The following FANK1 variants were observed in gnomAD, a reference collection of about 807,000 sequenced individuals.
The protein encoded by FANK1 is fibronectin type III and ankyrin repeat domains 1, also known as fibronectin type 3 and ankyrin repeat domains protein 1.
FANK1 carries 44 observed loss-of-function variants against 45.3 expected under a neutral mutation model. The ratio of observed to expected loss-of-function variants is 0.97; its 90% CI spans 0.76 to 1.25. The LOEUF is 1.25. FANK1 is among the 50% of genes most tolerant of loss of function. FANK1 has a pLI of 0.00. For missense variants in FANK1, 391 were observed against 424.4 expected (o/e 0.92, Z 0.69); for synonymous variants, 149 against 152.5 (o/e 0.98, Z 0.17).
At chr10:125,963,970 A>C (rs1354379652) in intron 1 of FANK1, among the ~76,000 whole-genome samples, 1 of 151,814 alleles carries the variant, frequency 6.6e-6, no homozygotes, top group Non-Finnish European at 1.5e-5. Flanking sequence ...AGGGTAAGAC[A>C]AAAAAAAGGA....
At position 125,947,188 on chromosome 10, in the gene FANK1, G is replaced by C. The variant is rs1589984283; in HGVS notation, c.14-32973G>C. On this transcript the variant is annotated intron_variant, in intron 1 of 10. Coordinates refer to ENST00000368693, the MANE Select transcript of FANK1 (RefSeq NM_145235.5). ...CAAAATGTAAAGACCATCAAGACTA[G>C]GAAGAAACTGCATCAACTAACAAGC... 4.6e-5 allele frequency among the ~76,000 whole-genome samples: 7 copies of C among 152,114 alleles called. 1 individual carries two copies. The highest frequency in any genetic ancestry group is 1.5e-5 in the Non-Finnish European group (1 of 67,984).
intron 4 of FANK1, 75 bp downstream of exon 4, chr10:125,995,573 T>G (rs1403391664): frequency 2.1e-6 from 3 of 1,413,390 alleles, no homozygotes; most frequent in Non-Finnish European, 3.0e-6. Flanking sequence ...GTAGTTTCAT[T>G]TTGTTTTCCT....
chr10:125,902,508 A>G (rs1312060634), intron 1 of FANK1, among the ~76,000 whole-genome samples: 1 of 152,250 alleles, frequency 6.6e-6, no homozygotes, highest in Non-Finnish European at 1.5e-5. Flanking sequence ...TACAACACAA[A>G]GGGCTGTGCT....
chr10:125,957,845 T>A (rs1294599156), intron 1 of FANK1, among the ~76,000 whole-genome samples: 1 of 152,134 alleles, frequency 6.6e-6, no homozygotes, highest in Non-Finnish European at 1.5e-5. Context: ...TTTTTAAAGA[T>A]AATGTCACTA....
At chr10:125,964,690 T>G (rs1271324578) in intron 1 of FANK1, among the ~76,000 whole-genome samples, 1 of 152,254 alleles carries the variant, frequency 6.6e-6, no homozygotes, top group African/African-American at 2.4e-5. Context: ...TTTCCATTTC[T>G]GTTAAATGTA....
chr10:125,909,746 T>C (rs1160927922), intron 1 of FANK1, among the ~76,000 whole-genome samples: 3 of 150,668 alleles, frequency 2.0e-5, no homozygotes, highest in Non-Finnish European at 4.4e-5. Context: ...GGGGTGGTAT[T>C]GAAGTTCTGG....
chr10:125,985,126 G>A (rs1012709051), intron 2 of FANK1, among the ~76,000 whole-genome samples: 1 of 152,238 alleles, frequency 6.6e-6, no homozygotes, highest in African/African-American at 2.4e-5. Context: ...CAGGGGTTAT[G>A]GAGGTGCTGT....
At chr10:125,968,693 T>C in intron 1 of FANK1, among the ~76,000 whole-genome samples, 1 of 152,228 alleles carries the variant, frequency 6.6e-6, no homozygotes, top group East Asian at 1.9e-4. Flanking sequence ...GTTTTACTAA[T>C]TTGTTTTTTG....
intron 4 of FANK1, 87 bp from the exon 5 acceptor site, chr10:125,996,463 C>A: frequency 8.5e-7 from 1 of 1,178,852 alleles, no homozygotes; most frequent in Non-Finnish European, 1.2e-6. Context: ...AGTCATTTTA[C>A]CCACCTAAGC....
chr10:125,899,627 G>A (rs1306971137), intron 1 of FANK1, among the ~76,000 whole-genome samples: 2 of 152,164 alleles, frequency 1.3e-5, no homozygotes, highest in Non-Finnish European at 2.9e-5. Context: ...TTTTAACTTG[G>A]AGATTTGTAT....
Position 125,964,395 on chromosome 10 carries a change from G to A in FANK1, c.14-15766G>A, listed in dbSNP as rs187103601. Among the ~76,000 whole-genome samples the A allele has an allele frequency of 2.5e-3, 381 of 151,848 alleles. 3 individuals carry two copies. Among genetic ancestry groups the A allele is most frequent in the Middle Eastern group, 0.014 (4 of 294 alleles). On this transcript the variant is annotated intron_variant, in intron 1 of 10. Transcript: ENST00000368693. ...TTTAGTGCAGATGGGGTTTCACTATGTTGGCCAGGCTGGTCTTGAACTCCT... is the reference window on the plus strand; with the variant it reads ...TTTAGTGCAGATGGGGTTTCACTATATTGGCCAGGCTGGTCTTGAACTCCT...
chr10:125,914,971 G>A (rs764303117), intron 1 of FANK1, among the ~76,000 whole-genome samples: 1 of 152,158 alleles, frequency 6.6e-6, no homozygotes, highest in African/African-American at 2.4e-5. Flanking sequence ...ACTTGACAAA[G>A]CCCAGGGAAT....
intron 1 of FANK1, among the ~76,000 whole-genome samples, chr10:125,913,416 A>G (rs1293701603): frequency 6.6e-6 from 1 of 152,152 alleles, no homozygotes; most frequent in Non-Finnish European, 1.5e-5. Flanking sequence ...CGTGTTTATG[A>G]AACAGACAGC....
At chr10:125,949,273 A>T (rs926399705) in intron 1 of FANK1, among the ~76,000 whole-genome samples, 1 of 150,356 alleles carries the variant, frequency 6.7e-6, no homozygotes, top group Non-Finnish European at 1.5e-5. Context: ...GGCCAGGGCA[A>T]TTAGGCAGGA....
At chr10:125,910,582 A>T (rs1945910865) in intron 1 of FANK1, among the ~76,000 whole-genome samples, 1 of 152,144 alleles carries the variant, frequency 6.6e-6, no homozygotes. Context: ...ACCTGACATT[A>T]TATTTTGGTG....
chr10:125,988,839 T>C (rs1162573798), intron 3 of FANK1, 164 bp downstream of exon 3: 1 of 1,081,482 alleles, frequency 9.2e-7, no homozygotes, highest in South Asian at 1.3e-5. Flanking sequence ...CCATAACTTG[T>C]AATGTCAGGG....
intron 1 of FANK1, among the ~76,000 whole-genome samples, chr10:125,913,267 C>T (rs922656468): frequency 6.6e-6 from 1 of 152,130 alleles, no homozygotes; most frequent in African/African-American, 2.4e-5. Context: ...TTCTGCATGA[C>T]ACCTAAACGC....
At chr10:125,998,013 C>T (rs1195487772) in intron 6 of FANK1, among the ~76,000 whole-genome samples, 1 of 152,236 alleles carries the variant, frequency 6.6e-6, no homozygotes, top group Non-Finnish European at 1.5e-5. Flanking sequence ...AGGGGAAGAA[C>T]GTGACACACA....
intron 1 of FANK1, among the ~76,000 whole-genome samples, chr10:125,959,241 C>CCACA (rs148186199): frequency 3.7e-4 from 55 of 149,882 alleles, no homozygotes; most frequent in Non-Finnish European, 6.1e-4. Flanking sequence ...TACTAAAAAT[C>CCACA]CACACACACA....
Sources: allele counts gnomAD v4.1 joint callset (sites outside exome capture counted in the v4.1 genomes callset), GRCh38; gene constraint gnomAD v4.1.1; transcripts MANE v1.5; gene names NCBI Gene and HGNC (gene_info 2026-07-23, HGNC 2026-07-21).